BABAM2: variants seen among roughly 807,000 people sequenced by gnomAD.
BABAM2 encodes the protein BRISC and BRCA1 A complex member 2, also known as BRISC and BRCA1-A complex member 2.
Under a neutral mutation model 54.7 loss-of-function variants are expected in BABAM2, and 31 were observed. The ratio of observed to expected loss-of-function variants is 0.57; its 90% CI spans 0.43 to 0.77. The LOEUF is 0.77. BABAM2 is among the 30% of genes least tolerant of loss of function. The pLI is 0.00. For synonymous variants in BABAM2, 167 were observed against 162.9 expected (o/e 1.03, Z -0.19); for missense variants, 364 against 455.8 (o/e 0.80, Z 1.83).
intron 11 of BABAM2, among the ~76,000 whole-genome samples, chr2:28,300,007 C>T (rs1294964433): frequency 3.3e-5 from 5 of 152,158 alleles, no homozygotes; most frequent in Non-Finnish European, 5.9e-5. Flanking sequence ...GGTGCAATCT[C>T]GGCTCACTGC....
intron 3 of BABAM2, among the ~76,000 whole-genome samples, chr2:27,957,864 C>G (rs1480040641): frequency 5.3e-5 from 8 of 152,206 alleles, no homozygotes; most frequent in Admixed American, 1.3e-4. Context: ...AGGCTTTCAT[C>G]TTACTCTAGC....
At position 28,322,040 on chromosome 2, in the gene BABAM2, C is replaced by A. The variant is rs1690064112; in HGVS notation, c.1089-16410C>A. 6.6e-6 allele frequency among the ~76,000 whole-genome samples: 1 copy of A among 151,938 alleles called. No homozygotes were observed. The highest frequency in any genetic ancestry group is 2.1e-4 in the South Asian group (1 of 4,820). On this transcript the variant is annotated intron_variant, in intron 11 of 11. Transcript: ENST00000379624. The surrounding 1 kb of genome is among the most constrained non-coding windows in gnomAD (Gnocchi z 4.1). ...TTGCATGAACTTAAGAATAATAGAT[C>A]CTTAGGAAGGAAGGCTGTTCATTCA...
intron 11 of BABAM2, chr2:28,327,138 C>A: frequency 2.2e-6 from 2 of 924,876 alleles, no homozygotes; most frequent in Non-Finnish European, 3.3e-6. Context: ...GTGCATACAT[C>A]TGTGATGAAC....
chr2:27,943,437 T>C (rs1669076194), intron 3 of BABAM2, among the ~76,000 whole-genome samples: 1 of 152,354 alleles, frequency 6.6e-6, no homozygotes, highest in South Asian at 2.1e-4. Flanking sequence ...TTCCTGCTTC[T>C]GCTTTTGCCA....
Position 28,192,246 on chromosome 2 carries a change from G to A in BABAM2, c.681-44956G>A, listed in dbSNP as rs1282485180. Among the ~76,000 whole-genome samples the A allele has an allele frequency of 2.6e-5, 4 of 152,224 alleles. No individual in the cohort carries two copies. The East Asian group carries it at 7.8e-4, about 30-fold the overall frequency. On this transcript the variant is annotated intron_variant, in intron 7 of 11. Transcript: ENST00000379624. ...AGACGGGGTTTCACCATGTTAGCCA[G>A]GATGGTCTTGATCTCCTGACCTCGT...
rs1388778292 is a variant in BABAM2 at position 28,075,123 on chromosome 2, T to C, written c.570+29324T>C. ...CTACAAAGTCTTAAGAAGGCAGCTG[T>C]TGCCCTTGCCTGCCTCCGTTTTTAA... On this transcript the variant is annotated intron_variant, in intron 6 of 11. Coordinates refer to ENST00000379624, the MANE Select transcript of BABAM2 (RefSeq NM_199191.3). Among the ~76,000 whole-genome samples, 9 of 152,306 alleles carry C rather than the reference T, an allele frequency of 5.9e-5. No individual in the cohort carries two copies. In the East Asian group the frequency reaches 9.6e-4, roughly 16 times the overall value.
At chr2:27,915,552 C>G (rs2148316787) in intron 2 of BABAM2, among the ~76,000 whole-genome samples, 1 of 152,286 alleles carries the variant, frequency 6.6e-6, no homozygotes, top group Admixed American at 6.5e-5. Flanking sequence ...TTCAAACTAC[C>G]TAACAACCAA....
intron 7 of BABAM2, among the ~76,000 whole-genome samples, chr2:28,191,255 C>G (rs977886769): frequency 6.6e-6 from 1 of 152,152 alleles, no homozygotes; most frequent in Admixed American, 6.5e-5. Context: ...TTGACCAAAA[C>G]AAGCATTGGC....
Position 28,136,134 on chromosome 2 carries a change from T to C in BABAM2, c.680+6754T>C, listed in dbSNP as rs548005225. Among the ~76,000 whole-genome samples, 3 of 152,330 alleles carry C rather than the reference T, an allele frequency of 2.0e-5. No homozygotes were observed. In the South Asian group the frequency reaches 6.2e-4, roughly 32 times the overall value. On this transcript the variant is annotated intron_variant, in intron 7 of 11. Coordinates refer to ENST00000379624, the MANE Select transcript of BABAM2 (RefSeq NM_199191.3). ...TTTCCCGAACACATCTTGTATTTTT[T>C]TCACTTCCATACCTTGCTCAGGCTG... is the stretch of plus-strand genomic sequence containing the variant.
At chr2:27,889,350 T>G (rs1018084813), upstream of BABAM2, among the ~76,000 whole-genome samples, 1 of 152,186 alleles carries the variant, frequency 6.6e-6, no homozygotes, top group African/African-American at 2.4e-5. Context: ...ACGAATGAGG[T>G]GTTACTGTAG....
chr2:28,096,472 A>G (rs1666636390), intron 6 of BABAM2, among the ~76,000 whole-genome samples: 4 of 152,082 alleles, frequency 2.6e-5, no homozygotes, highest in Non-Finnish European at 5.9e-5. Flanking sequence ...GTACAGAAAG[A>G]ATATGAGATG....
chr2:28,111,070 G>A (rs549849096), intron 6 of BABAM2, among the ~76,000 whole-genome samples: 1 of 150,808 alleles, frequency 6.6e-6, no homozygotes, highest in South Asian at 2.1e-4. Flanking sequence ...CTGGGTTCAA[G>A]CAGTTCTCCT....
At chr2:28,016,104 G>A (rs982980751) in intron 4 of BABAM2, 38 of 974,316 alleles carry the variant, frequency 3.9e-5, no homozygotes, top group African/African-American at 9.7e-5. Context: ...TCAGTTTTCC[G>A]TGTTTCTTAC....
intron 3 of BABAM2, among the ~76,000 whole-genome samples, chr2:27,957,035 A>T (rs1670140554): frequency 1.3e-5 from 2 of 152,216 alleles, no homozygotes. Context: ...ATCATGACTA[A>T]GGAATGAATG....
intron 11 of BABAM2, among the ~76,000 whole-genome samples, chr2:28,301,860 A>G (rs898234943): frequency 6.6e-6 from 1 of 152,184 alleles, no homozygotes; most frequent in Non-Finnish European, 1.5e-5. Flanking sequence ...CTTTGCATAT[A>G]TATCTTTTTT....
At chr2:28,094,722 A>C (rs145249141) in intron 6 of BABAM2, among the ~76,000 whole-genome samples, 1 of 151,968 alleles carries the variant, frequency 6.6e-6, no homozygotes. Flanking sequence ...CTCTATAGAC[A>C]GTCACTTTTA....
intron 11 of BABAM2, among the ~76,000 whole-genome samples, chr2:28,312,078 T>C (rs1689135022): frequency 6.6e-6 from 1 of 152,230 alleles, no homozygotes; most frequent in African/African-American, 2.4e-5. Context: ...AGGGCTGTCA[T>C]GAGTGATGTG....
chr2:28,142,421 C>G (rs991588991), intron 7 of BABAM2, among the ~76,000 whole-genome samples: 3 of 152,156 alleles, frequency 2.0e-5, no homozygotes, highest in Non-Finnish European at 4.4e-5. Flanking sequence ...TCTACCTTGG[C>G]AAATTTCAGC....
Position 28,129,180 on chromosome 2 carries a change from C to A in BABAM2, c.571-91C>A. Reference sequence around the variant, plus strand: ...AAGTGGAATAAGGGTAACTCACAGTCATGGCTTCAATGCCAGTGGACTGTG... The same window carrying A: ...AAGTGGAATAAGGGTAACTCACAGTAATGGCTTCAATGCCAGTGGACTGTG... On this transcript the variant is annotated intron_variant, in intron 6 of 11. Transcript: ENST00000379624. 3 of 1,215,866 alleles carry A rather than the reference C, an allele frequency of 2.5e-6. No individual in the cohort carries two copies. The South Asian group carries it at 3.8e-5, about 15-fold the overall frequency. 75.3% of individuals were successfully genotyped at this position (1,215,866 alleles called of 1,614,324 possible). A position where few individuals can be genotyped will look rare whatever the true frequency, so the allele number is the denominator to read the frequency against.
Sources: gnomAD v4.1 joint callset for allele counts (sites outside exome capture counted in the v4.1 genomes callset) on GRCh38, gnomAD v4.1.1 for gene constraint, Gnocchi (gnomAD v3.1) non-coding constraint, MANE v1.5 for transcripts, NCBI Gene and HGNC (gene_info 2026-07-23, HGNC 2026-07-21) for gene names.